The following PDE8B variants were observed in gnomAD, a reference collection of about 807,000 sequenced individuals.
The protein encoded by PDE8B is phosphodiesterase 8B.
In PDE8B, 26 loss-of-function variants were observed where a neutral mutation model predicts 101.3. That is an observed-to-expected ratio of 0.26 (90% CI 0.19 to 0.36). The LOEUF (loss-of-function observed/expected upper bound fraction) is 0.36. PDE8B is among the 10% of genes least tolerant of loss of function. The pLI is 1.00. For synonymous variants in PDE8B, 424 were observed against 429.3 expected (o/e 0.99, Z 0.15); for missense variants, 810 against 1,163.1 (o/e 0.70, Z 4.42).
the PDE8B span, among the ~76,000 whole-genome samples, chr5:77,153,911 A>G: frequency 6.6e-6 from 1 of 152,184 alleles, no homozygotes; most frequent in Non-Finnish European, 1.5e-5. Flanking sequence ...CCGATTTGCT[A>G]ATAAGCTTGG....
intron 10 of PDE8B, among the ~76,000 whole-genome samples, chr5:77,395,603 T>A (rs1031518172): frequency 2.0e-5 from 3 of 152,072 alleles, no homozygotes; most frequent in Non-Finnish European, 4.4e-5. Flanking sequence ...CTCTTGTTAA[T>A]TAGCCTAATG....
chr5:77,363,638 G>A (rs1451286791), intron 10 of PDE8B, among the ~76,000 whole-genome samples: 1 of 150,460 alleles, frequency 6.6e-6, no homozygotes, highest in Non-Finnish European at 1.5e-5. Flanking sequence ...CTTGAATCCA[G>A]GAGGCGGAGG....
intron 1 of PDE8B, chr5:77,290,177 A>C (rs1442838799): frequency 1.4e-6 from 2 of 1,467,274 alleles, no homozygotes; most frequent in Non-Finnish European, 1.9e-6. Context: ...TACATTAAAA[A>C]CCATTGATGT....
chr5:77,316,836 C>A (rs1773863878), intron 2 of PDE8B, among the ~76,000 whole-genome samples: 2 of 152,172 alleles, frequency 1.3e-5, no homozygotes, highest in African/African-American at 4.8e-5. Flanking sequence ...ACCAGTGCTA[C>A]GGTATACCCC....
intron 1 of PDE8B, among the ~76,000 whole-genome samples, chr5:77,310,738 CT>C (rs1465828821): frequency 6.6e-6 from 1 of 152,086 alleles, no homozygotes; most frequent in African/African-American, 2.4e-5. Flanking sequence ...TTAGAGGGCT[CT>C]TTGAGTTTTC....
At chr5:77,326,698 A>G (rs994401736) in intron 3 of PDE8B, among the ~76,000 whole-genome samples, 11 of 152,162 alleles carry the variant, frequency 7.2e-5, no homozygotes, top group Non-Finnish European at 1.5e-4. Context: ...ATATCATAAA[A>G]TATCTGGATG....
chr5:77,345,875 T>C (rs1780059749), intron 7 of PDE8B, among the ~76,000 whole-genome samples: 1 of 152,176 alleles, frequency 6.6e-6, no homozygotes, highest in African/African-American at 2.4e-5. Flanking sequence ...AGCCTCACAT[T>C]TGTCTGCCCT....
chr5:77,291,658 T>C lies in PDE8B; in HGVS notation c.340-20336T>C. ...AACATTCCAACAAGTGGGGCTGAGA[T>C]TGGAGGTGCCTTTGGAGGAGAAAAG... On this transcript the variant is annotated intron_variant, in intron 1 of 21. Transcript: ENST00000264917. The C allele has an allele frequency of 2.5e-6, 4 of 1,596,576 alleles. No homozygotes were observed. In the East Asian group the frequency reaches 8.9e-5, roughly 36 times the overall value.
chr5:77,246,340 C>T (rs939653074), intron 1 of PDE8B, among the ~76,000 whole-genome samples: 24 of 152,062 alleles, frequency 1.6e-4, no homozygotes, highest in African/African-American at 4.8e-4. Context: ...TTAGGTTGTT[C>T]GTGGGGACTC....
chr5:77,398,839 G>T (rs1791642042), intron 10 of PDE8B, among the ~76,000 whole-genome samples: 1 of 152,234 alleles, frequency 6.6e-6, no homozygotes, highest in Admixed American at 6.5e-5. Flanking sequence ...AGAAGTGGCT[G>T]CCCACCACAA....
chr5:77,252,832 C>T (rs960001151), intron 1 of PDE8B, among the ~76,000 whole-genome samples: 6 of 152,054 alleles, frequency 3.9e-5, no homozygotes, highest in African/African-American at 1.2e-4. Flanking sequence ...CAATATTTTC[C>T]ATTAATTTTT....
intron 10 of PDE8B, among the ~76,000 whole-genome samples, chr5:77,374,148 T>C (rs887302375): frequency 1.3e-5 from 2 of 152,138 alleles, no homozygotes; most frequent in African/African-American, 2.4e-5. Flanking sequence ...TGCACTTGGC[T>C]GATACTCTCT....
At chr5:77,207,093 C>T (rs886989011), upstream of PDE8B, among the ~76,000 whole-genome samples, 3 of 152,174 alleles carry the variant, frequency 2.0e-5, no homozygotes, top group Non-Finnish European at 4.4e-5. Flanking sequence ...TAAACGGTAT[C>T]ATTTCACTTA....
At chr5:77,256,054 G>A (rs1458870881) in intron 1 of PDE8B, among the ~76,000 whole-genome samples, 3 of 152,174 alleles carry the variant, frequency 2.0e-5, no homozygotes, top group Middle Eastern at 3.4e-3. Context: ...GGAGAGATTC[G>A]AATTTAGGCA....
chr5:77,375,392 T>C (rs925926612), intron 10 of PDE8B, among the ~76,000 whole-genome samples: 3 of 152,174 alleles, frequency 2.0e-5, no homozygotes, highest in Non-Finnish European at 4.4e-5. Flanking sequence ...GAACCAAAAC[T>C]TTGGCAAAAA....
the PDE8B span, among the ~76,000 whole-genome samples, chr5:77,175,305 G>A: frequency 3.7e-4 from 39 of 106,308 alleles, no homozygotes; most frequent in Non-Finnish European, 3.4e-5. Context: ...AAATTATATT[G>A]TGTTTCTTCT....
At chr5:77,205,502 T>C (rs189257766), upstream of PDE8B, among the ~76,000 whole-genome samples, 41 of 152,290 alleles carry the variant, frequency 2.7e-4, no homozygotes, top group Admixed American at 1.1e-3. Flanking sequence ...GGCATTCGTT[T>C]CTCTGTCTCC....
At chr5:77,260,183 G>GAA (rs201206456) in intron 1 of PDE8B, among the ~76,000 whole-genome samples, 1 of 135,176 alleles carries the variant, frequency 7.4e-6, no homozygotes, top group African/African-American at 2.7e-5. Context: ...AGAAAAAAAA[G>GAA]AAAAAAAAAA....
chr5:77,212,282 G>C (rs758539559), intron 1 of PDE8B, among the ~76,000 whole-genome samples: 4 of 152,054 alleles, frequency 2.6e-5, no homozygotes, highest in Admixed American at 1.3e-4. Flanking sequence ...CTGGTCAATA[G>C]GTTACCAAGA....
Sources: allele counts gnomAD v4.1 joint callset (sites outside exome capture counted in the v4.1 genomes callset), GRCh38; gene constraint gnomAD v4.1.1; transcripts MANE v1.5; gene names NCBI Gene and HGNC (gene_info 2026-07-23, HGNC 2026-07-21).